The following ABCA4 variants were observed in gnomAD, a reference collection of about 807,000 sequenced individuals.
ABCA4 encodes the protein ATP binding cassette subfamily A member 4.
ABCA4 carries 196 observed loss-of-function variants against 263.7 expected under a neutral mutation model. That is an observed-to-expected ratio of 0.74 (90% CI 0.66 to 0.84). The LOEUF (loss-of-function observed/expected upper bound fraction) is 0.84. Among genes scored for constraint, ABCA4 ranks in the 40% least tolerant of loss-of-function variants. ABCA4 has a pLI of 0.00. For synonymous variants in ABCA4, 1,133 were observed against 1,094.2 expected, an observed-to-expected ratio of 1.04 and a Z score of -0.70; for missense variants, 2,792 against 2,855.1, an observed-to-expected ratio of 0.98 and a Z score of 0.50.
chr1:94,002,141 G>T, intron 44 of ABCA4, 149 bp from the exon 45 acceptor site: 1 of 1,265,522 alleles, frequency 7.9e-7, no homozygotes, highest in Non-Finnish European at 1.1e-6. Flanking sequence ...CCTGTCCTCT[G>T]GCATGTGCTT....
intron 32 of ABCA4, among the ~76,000 whole-genome samples, chr1:94,023,055 C>A (rs1659942748): frequency 6.6e-6 from 1 of 152,162 alleles, no homozygotes; most frequent in Non-Finnish European, 1.5e-5. Context: ...AAGGAGTGTC[C>A]CGGGTTTAGG....
intron 26 of ABCA4, 25 bp downstream of exon 26, chr1:94,036,715 C>T (rs764553687): frequency 1.9e-6 from 3 of 1,611,742 alleles, no homozygotes. Context: ...AGGAAGGGAA[C>T]AAGCCACTGG....
At chr1:94,011,438 TC>T (rs1266269207) in intron 38 of ABCA4, 53 bp from the exon 39 acceptor site, 215 of 1,610,616 alleles carry the variant, frequency 1.3e-4, no homozygotes, top group Non-Finnish European at 1.8e-4. Flanking sequence ...ACCCCCCCTC[TC>T]TTCAGCAGGT....
At chr1:94,005,641 G>C (rs1299762121) in intron 43 of ABCA4, 59 bp from the exon 44 acceptor site, 1 of 1,564,400 alleles carries the variant, frequency 6.4e-7, no homozygotes, top group Non-Finnish European at 8.8e-7. Context: ...TGACCATAGA[G>C]CTAGGGCTGG....
intron 11 of ABCA4, among the ~76,000 whole-genome samples, chr1:94,070,743 G>T (rs1661379118): frequency 6.6e-6 from 1 of 152,206 alleles, no homozygotes; most frequent in Non-Finnish European, 1.5e-5. Context: ...TGTTGACCTG[G>T]CAGTCGAGTG....
chr1:94,001,621 C>T (rs1389517583), intron 45 of ABCA4: 5 of 685,090 alleles, frequency 7.3e-6, no homozygotes, highest in Non-Finnish European at 1.3e-5. Context: ...CAGGAGACAT[C>T]CTGGGAACGC....
chr1:94,103,008 C>A lies in ABCA4; in HGVS notation c.570+7G>T, dbSNP rs367976871. 2.2e-5 allele frequency: 36 copies of A among 1,614,050 alleles called. No homozygotes were observed. The African/African-American group carries it at 4.7e-4, about 21-fold the overall frequency. On this transcript the variant is annotated splice_region_variant and intron_variant, in intron 5 of 49. Coordinates refer to ENST00000370225, the MANE Select transcript of ABCA4 (RefSeq NM_000350.3). ...CCAGGGACCACTGGCCAGTGACATC[C>A]CCCTACCTGCTCTGGACGGACTTGA...
chr1:94,049,131 A>G (rs1158487907), intron 17 of ABCA4, among the ~76,000 whole-genome samples, 174 bp from the exon 18 acceptor site: 1 of 152,208 alleles, frequency 6.6e-6, no homozygotes, highest in Non-Finnish European at 1.5e-5. Flanking sequence ...AGGAAGATTT[A>G]TAACAGGAGC....
At chr1:94,038,027 A>C (rs1660389587) in intron 24 of ABCA4, among the ~76,000 whole-genome samples, 1 of 152,120 alleles carries the variant, frequency 6.6e-6, no homozygotes, top group East Asian at 1.9e-4. Flanking sequence ...CCTTCCCTAA[A>C]TCACACACAC....
At chr1:94,081,963 T>C (rs912747953) in intron 7 of ABCA4, among the ~76,000 whole-genome samples, 4 of 152,244 alleles carry the variant, frequency 2.6e-5, no homozygotes, top group African/African-American at 4.8e-5. Flanking sequence ...GGGGAATTTA[T>C]AAAACCATTA....
chr1:94,049,630 C>G (rs950954520), intron 17 of ABCA4, among the ~76,000 whole-genome samples: 1 of 151,998 alleles, frequency 6.6e-6, no homozygotes, highest in Admixed American at 6.6e-5. Flanking sequence ...TCTCAAAAAA[C>G]AAAAACAAAA....
chr1:94,103,138 T>G lies in ABCA4; in HGVS notation c.447A>C (p.Arg149Ser). 6.2e-7 allele frequency: 1 copy of G among 1,613,968 alleles called. No homozygotes were observed. The change falls in exon 5 of 50, where the codon AGA becomes AGC. Residue 149 changes from arginine (R) to serine (S), a missense_variant. Coordinates refer to ENST00000370225, the MANE Select transcript of ABCA4 (RefSeq NM_000350.3). Reference protein sequence around the residue: ...LRTHPERIAGRGIRIRDILKD... With the variant: ...LRTHPERIAGSGIRIRDILKD... ...TCAAGATATCCCTTATTCGTATTCC[T>G]CTTCCTACATATGAATAAGAGAAAG...
rs1351516864 is a variant in ABCA4, at chr1:93,994,176, G to A, written c.6817-934C>T. The stretch of plus-strand genomic sequence containing the variant: ...GTTCCTAATTTGGGAATGCACATGC[G>A]ATGGTCACATAATTATTAACCTATT... On this transcript the variant is annotated intron_variant, in intron 49 of 49. Coordinates refer to ENST00000370225, the MANE Select transcript of ABCA4 (RefSeq NM_000350.3). Among the ~76,000 whole-genome samples, 5 of 152,304 alleles carry A rather than the reference G, an allele frequency of 3.3e-5. 2 individuals are homozygous for A. Among genetic ancestry groups the A allele is most frequent in the African/African-American group, 1.2e-4 (5 of 41,568 alleles).
intron 11 of ABCA4, among the ~76,000 whole-genome samples, chr1:94,071,802 G>T (rs185855556): frequency 8.8e-4 from 134 of 152,268 alleles, no homozygotes; most frequent in African/African-American, 3.1e-3. Flanking sequence ...GAGACTAGAG[G>T]TATGAAATGA....
Position 94,015,728 on chromosome 1 carries a change from A to G in ABCA4, c.5312+11T>C, listed in dbSNP as rs769863517. 139 of 1,609,586 alleles carry G rather than the reference A, an allele frequency of 8.6e-5. 1 individual carries two copies. In the Admixed American group the frequency reaches 2.2e-3, roughly 26 times the overall value. ...CTTCAGAGGCATTAGCTAATGGCCCAAACGGCTTACCCATACAGCAGGAGC... is the reference window on the plus strand; with the variant it reads ...CTTCAGAGGCATTAGCTAATGGCCCGAACGGCTTACCCATACAGCAGGAGC... On this transcript the variant is annotated intron_variant, in intron 37 of 49. Transcript: ENST00000370225.
chr1:94,054,805 A>T (rs1439890733), intron 16 of ABCA4, among the ~76,000 whole-genome samples: 1 of 152,112 alleles, frequency 6.6e-6, no homozygotes, highest in Non-Finnish European at 1.5e-5. Context: ...ACACCACATG[A>T]CCTTGATTCT....
At position 93,997,974 on chromosome 1, in the gene ABCA4, G is replaced by A. The variant is rs747764466; in HGVS notation, c.6616C>T (p.Leu2206Phe). ...GAGGAGGAGGAGACCTGGAACTGGA[G>A]CATGTTGTAGTGCCTCTCCCTCTGC... is the stretch of plus-strand genomic sequence containing the variant. ...SVQRERHYNM[L>F]QFQVSSSSLA... is the part of the protein sequence containing the mutation. Residue 2206 changes from leucine to phenylalanine, a missense_variant, in exon 48 of 50, where the codon CTC (leucine) becomes TTC (phenylalanine). Physicochemically the swap from Leu to Phe is conservative, Grantham distance 22. Coordinates refer to ENST00000370225, the MANE Select transcript of ABCA4 (RefSeq NM_000350.3). 6 of 1,614,196 alleles carry A rather than the reference G, an allele frequency of 3.7e-6. No homozygotes were observed. The highest frequency in any genetic ancestry group is 5.1e-6 in the Non-Finnish European group (6 of 1,180,044).
At chr1:94,107,367 C>T (rs961424810) in intron 4 of ABCA4, among the ~76,000 whole-genome samples, 2 of 152,192 alleles carry the variant, frequency 1.3e-5, no homozygotes, top group Non-Finnish European at 2.9e-5. Flanking sequence ...TTTTGGGGGG[C>T]TTTACTTCCT....
At chr1:94,118,032 C>T (rs557582197) in intron 1 of ABCA4, among the ~76,000 whole-genome samples, 87 of 152,232 alleles carry the variant, frequency 5.7e-4, no homozygotes, top group African/African-American at 2.0e-3. Context: ...GGATAGATCT[C>T]GATCCACGGG....
Sources: allele counts gnomAD v4.1 joint callset (sites outside exome capture counted in the v4.1 genomes callset), GRCh38; gene constraint gnomAD v4.1.1; transcripts MANE v1.5; gene names NCBI Gene and HGNC (gene_info 2026-07-23, HGNC 2026-07-21).